LRP1B: variants seen among roughly 807,000 people sequenced by gnomAD.
LRP1B encodes the protein low-density lipoprotein receptor-related protein 1B.
In LRP1B, 217 loss-of-function variants were observed where a neutral mutation model predicts 556.6. That is an observed-to-expected ratio of 0.39 (90% CI 0.35 to 0.44). The LOEUF (loss-of-function observed/expected upper bound fraction) is 0.44, where lower values mean the gene tolerates loss of function less well. LRP1B is among the 20% of genes least tolerant of loss of function. LRP1B has a pLI of 1.00. For synonymous variants in LRP1B, 2,047 were observed against 1,865.8 expected, an observed-to-expected ratio of 1.10 and a Z score of -2.50; for missense variants, 5,053 against 5,620.8, an observed-to-expected ratio of 0.90 and a Z score of 3.23.
At chr2:141,905,763 AGATGTGTGTG>A (rs1444337260) in intron 1 of LRP1B, among the ~76,000 whole-genome samples, 12 of 115,198 alleles carry the variant, frequency 1.0e-4, no homozygotes, top group South Asian at 6.6e-4. Context: ...TGGTTTGAAT[AGATGTGTGTG>A]TGTGTGTGTG....
At chr2:141,030,308 A>ATTTT (rs1366102226) in intron 11 of LRP1B, among the ~76,000 whole-genome samples, 1 of 152,136 alleles carries the variant, frequency 6.6e-6, no homozygotes, top group Non-Finnish European at 1.5e-5. Flanking sequence ...ACTGACAAAC[A>ATTTT]TTTTGAAAAT....
chr2:141,111,185 GA>G (rs1186560033), intron 7 of LRP1B, among the ~76,000 whole-genome samples: 1 of 151,690 alleles, frequency 6.6e-6, no homozygotes, highest in South Asian at 2.1e-4. Flanking sequence ...AAAAATGTCA[GA>G]AAAAAATTAA....
At chr2:142,127,657 T>C (rs907952707) in intron 1 of LRP1B, among the ~76,000 whole-genome samples, 3 of 151,992 alleles carry the variant, frequency 2.0e-5, no homozygotes, top group Admixed American at 1.3e-4. Context: ...TGAAGAGACA[T>C]AAATCGCAGT....
chr2:140,521,587 T>A (rs1690176594), intron 49 of LRP1B, among the ~76,000 whole-genome samples: 1 of 151,918 alleles, frequency 6.6e-6, no homozygotes, highest in African/African-American at 2.4e-5. Flanking sequence ...AAAGAACACA[T>A]AAGCACACAG....
intron 2 of LRP1B, among the ~76,000 whole-genome samples, chr2:141,704,852 T>C (rs1692079123): frequency 1.3e-5 from 2 of 152,016 alleles, no homozygotes; most frequent in African/African-American, 4.8e-5. Context: ...TCCAAATCCC[T>C]AGTTTTAGTG....
chr2:140,493,050 C>G (rs373203641), intron 56 of LRP1B, among the ~76,000 whole-genome samples: 1 of 152,210 alleles, frequency 6.6e-6, no homozygotes, highest in East Asian at 1.9e-4. Context: ...ACCTACAGTA[C>G]AGCTAAAACA....
At chr2:141,028,830 T>G (rs1427316135) in intron 11 of LRP1B, among the ~76,000 whole-genome samples, 1 of 152,126 alleles carries the variant, frequency 6.6e-6, no homozygotes, top group African/African-American at 2.4e-5. Flanking sequence ...GATCTACCAC[T>G]GAGCAAAACA....
Position 140,668,309 on chromosome 2 carries a change from CAAAAAAAAAAAAAAAAAAAA to C in LRP1B, c.6799+31921_6799+31940del, listed in dbSNP as rs560180473. Among the ~76,000 whole-genome samples, 51 of 59,674 alleles carry C rather than the reference CAAAAAAAAAAAAAAAAAAAA, an allele frequency of 8.5e-4. 1 individual carries two copies. The highest frequency in any genetic ancestry group is 2.6e-3 in the African/African-American group (36 of 13,598). The allele number at this position is 59,674 out of a possible 152,430, so 39.1% of individuals were successfully genotyped here. On this transcript the variant is annotated intron_variant, in intron 41 of 90. Coordinates refer to ENST00000389484, the MANE Select transcript of LRP1B (RefSeq NM_018557.3). ...TGGGTGACAGAGCGAGACTCCGTCT[CAAAAAAAAAAAAAAAAAAAA>C]AAAAAAAAAAAAAAAAAAGAATATT... is the stretch of plus-strand genomic sequence containing the variant.
At chr2:140,846,029 T>C (rs1447007659) in intron 29 of LRP1B, among the ~76,000 whole-genome samples, 1 of 152,120 alleles carries the variant, frequency 6.6e-6, no homozygotes, top group African/African-American at 2.4e-5. Context: ...GATACAACTC[T>C]AGGTAGCAAA....
At chr2:141,871,641 A>G (rs1698590512) in intron 1 of LRP1B, among the ~76,000 whole-genome samples, 1 of 152,036 alleles carries the variant, frequency 6.6e-6, no homozygotes, top group East Asian at 1.9e-4. Context: ...TTCTCAGTAC[A>G]TGAGTGTTGA....
chr2:141,548,060 G>A (rs2105224827), intron 2 of LRP1B, among the ~76,000 whole-genome samples: 1 of 152,238 alleles, frequency 6.6e-6, no homozygotes, highest in East Asian at 1.9e-4. Context: ...AAGAGCAAGA[G>A]TTTCAAAGTT....
At chr2:142,052,777 C>A (rs1482170426) in intron 1 of LRP1B, among the ~76,000 whole-genome samples, 4 of 151,930 alleles carry the variant, frequency 2.6e-5, no homozygotes, top group African/African-American at 2.4e-5. Context: ...CTGGCTTACA[C>A]ACAAGTATGG....
In LRP1B at chr2:140,910,732, A is replaced by G. The variant is rs949836351; in HGVS notation, c.3320-2655T>C. 3.3e-5 allele frequency among the ~76,000 whole-genome samples: 5 copies of G among 151,988 alleles called. No homozygotes were observed. The East Asian group carries it at 9.7e-4, about 29-fold the overall frequency. ...TTTCAATTAAAAAAGGTAAACTAAA[A>G]TAACTAGTTGACATCCTTCCTACTC... is the stretch of plus-strand genomic sequence containing the variant. On this transcript the variant is annotated intron_variant, in intron 21 of 90. Transcript: ENST00000389484.
intron 1 of LRP1B, among the ~76,000 whole-genome samples, chr2:141,939,330 C>T (rs961737671): frequency 2.0e-5 from 3 of 151,730 alleles, no homozygotes; most frequent in Admixed American, 6.6e-5. Context: ...ATTAAGAGTG[C>T]AGAATTAGTA....
intron 6 of LRP1B, among the ~76,000 whole-genome samples, chr2:141,197,140 T>G (rs1681789053): frequency 1.3e-5 from 2 of 152,160 alleles, no homozygotes; most frequent in Non-Finnish European, 2.9e-5. Context: ...TTATCCAGTC[T>G]CAGGTATATC....
chr2:141,917,784 C>A (rs941311478), intron 1 of LRP1B, among the ~76,000 whole-genome samples: 1 of 152,172 alleles, frequency 6.6e-6, no homozygotes, highest in East Asian at 1.9e-4. Flanking sequence ...TAACCCTTTT[C>A]TTTAAATGGT....
intron 2 of LRP1B, chr2:141,805,537 A>G (rs970013622): frequency 6.6e-6 from 1 of 152,150 alleles, no homozygotes; most frequent in Non-Finnish European, 1.5e-5. Flanking sequence ...TGCTTCGTGC[A>G]TTCATTGTGT....
At chr2:141,851,419 C>T (rs1451076811) in intron 1 of LRP1B, among the ~76,000 whole-genome samples, 5 of 151,776 alleles carry the variant, frequency 3.3e-5, no homozygotes, top group Admixed American at 6.6e-5. Flanking sequence ...CTGCTATACA[C>T]TGAAATATAC....
At chr2:141,892,927 G>T (rs1699334330) in intron 1 of LRP1B, among the ~76,000 whole-genome samples, 1 of 152,128 alleles carries the variant, frequency 6.6e-6, no homozygotes, top group Non-Finnish European at 1.5e-5. Flanking sequence ...ACCATTATGT[G>T]ATAATTTGAG....
Sources: gnomAD v4.1 joint callset for allele counts (sites outside exome capture counted in the v4.1 genomes callset) on GRCh38, gnomAD v4.1.1 for gene constraint, MANE v1.5 for transcripts, NCBI Gene and HGNC (gene_info 2026-07-23, HGNC 2026-07-21) for gene names.